The following FHIP2B variants were observed in gnomAD, a reference collection of about 807,000 sequenced individuals.
FHIP2B encodes the protein FHF complex subunit HOOK interacting protein 2B.
FHIP2B carries 72 observed loss-of-function variants against 84.0 expected under a neutral mutation model. That is an observed-to-expected ratio of 0.86 (90% CI 0.71 to 1.04). The LOEUF is 1.04. Ranked by LOEUF, FHIP2B falls within the 50% of genes least tolerant of loss-of-function variation. The probability of loss-of-function intolerance (pLI) is 0.00; values close to 1 mark genes in which losing one functional copy is unlikely to be tolerated. For synonymous variants in FHIP2B, 497 were observed against 418.7 expected (o/e 1.19, Z -2.28); for missense variants, 972 against 968.9 (o/e 1.00, Z -0.04).
chr8:22,092,540 C>T (rs567477786), intron 1 of FHIP2B, among the ~76,000 whole-genome samples: 1 of 148,906 alleles, frequency 6.7e-6, no homozygotes, highest in East Asian at 2.0e-4. Context: ...TGCCACTGCA[C>T]TCTAGCCTCA....
chr8:22,100,712 C>G lies in FHIP2B; in HGVS notation c.1460C>G (p.Pro487Arg). 4 of 1,604,454 alleles carry G rather than the reference C, an allele frequency of 2.5e-6. No homozygotes were observed. Among genetic ancestry groups the G allele is most frequent in the South Asian group, 2.2e-5 (2 of 90,012 alleles). ...CGCCCTTACGTGGCCTGGGGCTCAC[C>G]AGAGCCTGAGAGCTATGAGGACACC... Reference protein sequence around the residue: ...EGRPYVAWGSPEPESYEDTLD... With the variant: ...EGRPYVAWGSREPESYEDTLD... Residue 487 changes from proline (P) to arginine (R), a missense_variant, in exon 11 of 17, where the codon CCA becomes CGA. Pro to Arg is a moderately radical substitution (Grantham distance 103). Coordinates refer to ENST00000289921, the MANE Select transcript of FHIP2B (RefSeq NM_022749.7).
At chr8:22,091,680 G>T (rs1178092540) in intron 1 of FHIP2B, among the ~76,000 whole-genome samples, 1 of 152,186 alleles carries the variant, frequency 6.6e-6, no homozygotes, top group South Asian at 2.1e-4. Context: ...TGGTTAACCT[G>T]CCTCTCCCGT....
At chr8:22,096,788 T>G (rs1825795672) in intron 3 of FHIP2B, 1 of 347,432 alleles carries the variant, frequency 2.9e-6, no homozygotes, top group African/African-American at 2.1e-5. Context: ...CTTAGAACAC[T>G]CCACCATCCC....
At chr8:22,099,208 G>A (rs1381147116) in intron 8 of FHIP2B, 76 bp from the exon 9 acceptor site, 16 of 1,558,322 alleles carry the variant, frequency 1.0e-5, no homozygotes, top group East Asian at 2.4e-5. Flanking sequence ...GGCATCAGGC[G>A]CCGCGCAAGA....
At chr8:22,097,989 C>A (rs1825874240) in intron 5 of FHIP2B, 79 bp from the exon 6 acceptor site, 2 of 1,526,974 alleles carry the variant, frequency 1.3e-6, no homozygotes, top group South Asian at 1.3e-5. Context: ...GCCCTGCTGG[C>A]AGCCCACCCT....
At chr8:22,099,171 C>T in intron 8 of FHIP2B, 113 bp from the exon 9 acceptor site, 1 of 1,514,362 alleles carries the variant, frequency 6.6e-7, no homozygotes, top group Non-Finnish European at 9.0e-7. Flanking sequence ...TAAGCGGGGC[C>T]CCAGGCGGGC....
intron 3 of FHIP2B, chr8:22,097,134 C>T (rs1825814310): frequency 3.4e-6 from 1 of 291,074 alleles, no homozygotes; most frequent in Non-Finnish European, 6.6e-6. Flanking sequence ...TCATGGAGCA[C>T]AGTGATGCAG....
rs1826302309 is a variant in FHIP2B, at chr8:22,104,791, C to G, written c.*1860C>G. 1.3e-5 allele frequency: 2 copies of G among 149,466 alleles called. No individual in the cohort carries two copies. The highest frequency in any genetic ancestry group is 1.3e-4 in the Admixed American group (2 of 14,932). The allele number at this position is 149,466 out of a possible 1,614,324, so 9.3% of individuals were successfully genotyped here. A position where few individuals can be genotyped will look rare whatever the true frequency, so the allele number is the denominator to read the frequency against. Reference sequence around the variant, plus strand: ...TCAAGGCTGCAGTGAGCCGATTGCACCACTGCACTCCAGCCTGGGCAATAG... The same window carrying G: ...TCAAGGCTGCAGTGAGCCGATTGCAGCACTGCACTCCAGCCTGGGCAATAG... On this transcript the variant is annotated 3_prime_UTR_variant, in exon 17 of 17. Transcript: ENST00000289921.
chr8:22,096,422 G>C lies in FHIP2B; in HGVS notation c.210G>C (p.Gln70His), dbSNP rs1322292058. ...TCCTGGTGTATGAAGAGCAGCAGCAGGCGGCCGCGGGTGAGGCAGGGCCCT... is the reference window on the plus strand; with the variant it reads ...TCCTGGTGTATGAAGAGCAGCAGCACGCGGCCGCGGGTGAGGCAGGGCCCT... ...LDILVYEEQQQAAAGEAGPCL... is the reference protein window; with the variant it reads ...LDILVYEEQQHAAAGEAGPCL... Residue 70 changes from glutamine (Q) to histidine (H), a missense_variant, in exon 3 of 17, where the codon CAG (glutamine) becomes CAC (histidine). Transcript: ENST00000289921. The C allele has an allele frequency of 6.4e-7, 1 of 1,555,900 alleles. No individual in the cohort carries two copies. Among genetic ancestry groups the C allele is most frequent in the East Asian group, 2.4e-5 (1 of 41,314 alleles).
chr8:22,093,838 C>G (rs1451999781), intron 1 of FHIP2B, among the ~76,000 whole-genome samples: 1 of 151,444 alleles, frequency 6.6e-6, no homozygotes, highest in African/African-American at 2.4e-5. Flanking sequence ...GCACCCCAGC[C>G]TCCCAAGTAG....
In FHIP2B at chr8:22,101,921, G is replaced by A. The variant is rs1007233301; in HGVS notation, c.1851+70G>A. On this transcript the variant is annotated intron_variant, in intron 14 of 16. Coordinates refer to ENST00000289921, the MANE Select transcript of FHIP2B (RefSeq NM_022749.7). Reference sequence around the variant, plus strand: ...TGGGGTCCTTCAAGAGCAGAGGTTGGCCACAGGGTTGCCTCTGCTTCGGTT... The same window carrying A: ...TGGGGTCCTTCAAGAGCAGAGGTTGACCACAGGGTTGCCTCTGCTTCGGTT... 35 of 1,567,962 alleles carry A rather than the reference G, an allele frequency of 2.2e-5. No individual in the cohort carries two copies. In the African/African-American group the frequency reaches 4.1e-4, roughly 18 times the overall value.
At chr8:22,092,450 C>A (rs1459796966) in intron 1 of FHIP2B, among the ~76,000 whole-genome samples, 2 of 152,130 alleles carry the variant, frequency 1.3e-5, no homozygotes, top group Non-Finnish European at 2.9e-5. Context: ...CGTGGTGGCA[C>A]ATGTCTGTAA....
rs1413964017 is a variant in FHIP2B, at chr8:22,099,533, C to T, written c.1152-171C>T. On this transcript the variant is annotated intron_variant, in intron 9 of 16. Transcript: ENST00000289921. The stretch of plus-strand genomic sequence containing the variant: ...ATGATGTGCACGTGGCTCTGAGCTA[C>T]GTGGGCTAAACGAAGGCCTCCTACC... Among the ~76,000 whole-genome samples the T allele has an allele frequency of 5.3e-5, 8 of 152,210 alleles. 1 individual carries two copies. Among genetic ancestry groups the T allele is most frequent in the East Asian group, 1.9e-4 (1 of 5,194 alleles).
At position 22,100,974 on chromosome 8, in the gene FHIP2B, T is replaced by C. The variant is rs772932703; in HGVS notation, c.1616+2T>C. On this transcript the variant is annotated splice_donor_variant, in intron 12 of 16. Transcript: ENST00000289921. LOFTEE classifies it high-confidence loss of function. ...AGCAGTGACCGAGATCGTCAACAGG[T>C]GGGGAGCAAGTTAGGCAGTCTGAAC... The C allele has an allele frequency of 1.9e-6, 3 of 1,613,492 alleles. No homozygotes were observed. The African/African-American group carries it at 4.0e-5, about 22-fold the overall frequency.
chr8:22,095,407 A>G (rs2131696560), intron 2 of FHIP2B: 1 of 152,352 alleles, frequency 6.6e-6, no homozygotes, highest in South Asian at 2.1e-4. Context: ...TGCCAGTAGC[A>G]CACCCCACCC....
At position 22,089,206 on chromosome 8, in the gene FHIP2B, G is replaced by T. The variant is rs1825323455; in HGVS notation, c.-48G>T. 1 of 1,052,492 alleles carries T rather than the reference G, an allele frequency of 9.5e-7. No homozygotes were observed. The highest frequency in any genetic ancestry group is 1.1e-6 in the Non-Finnish European group (1 of 873,226). 65.2% of individuals were successfully genotyped at this position (1,052,492 alleles called of 1,614,324 possible). ...CACGGGGCTGCCTCCTCCGCCTAGA[G>T]CGCTGCCGCCGCCGCTTTCGCCCGG... On this transcript the variant is annotated 5_prime_UTR_variant, in exon 1 of 17. Coordinates refer to ENST00000289921, the MANE Select transcript of FHIP2B (RefSeq NM_022749.7).
chr8:22,092,565 CTTTT>C (rs11393768), intron 1 of FHIP2B, among the ~76,000 whole-genome samples: 1 of 124,026 alleles, frequency 8.1e-6, no homozygotes, highest in African/African-American at 3.1e-5. Flanking sequence ...CGGTGAGACT[CTTTT>C]TTTTTTTTTT....
chr8:22,098,570 G>A lies in FHIP2B; in HGVS notation c.916G>A (p.Val306Ile). 6.2e-7 allele frequency: 1 copy of A among 1,608,596 alleles called. No homozygotes were observed. The change falls in exon 7 of 17, where the codon GTC becomes ATC. Residue 306 changes from valine (V) to isoleucine (I), a missense_variant. Transcript: ENST00000289921. ...TTGCCAGTTGTACCGGTCCATGCCT[G>A]TCTTCCTGGACCCCGCAGACATTGC... Reference protein sequence around the residue: ...HLCQLYRSMPVFLDPADIATL... With the variant: ...HLCQLYRSMPIFLDPADIATL...
In FHIP2B at chr8:22,104,426, G is replaced by A. The variant is rs1219866899; in HGVS notation, c.*1495G>A. The A allele has an allele frequency of 6.6e-6, 1 of 152,426 alleles. No individual in the cohort carries two copies. Among genetic ancestry groups the A allele is most frequent in the Non-Finnish European group, 1.5e-5 (1 of 68,062 alleles). The allele number at this position is 152,426 out of a possible 1,614,324, so 9.4% of individuals were successfully genotyped here. ...CCAAGTTTCCCCACCTTCTGCCCAGGACTCCACTGCTAATTCGGGCCCATC... is the reference window on the plus strand; with the variant it reads ...CCAAGTTTCCCCACCTTCTGCCCAGAACTCCACTGCTAATTCGGGCCCATC... On this transcript the variant is annotated 3_prime_UTR_variant, in exon 17 of 17. Transcript: ENST00000289921.
Sources: gnomAD v4.1 joint callset for allele counts (sites outside exome capture counted in the v4.1 genomes callset) on GRCh38, gnomAD v4.1.1 for gene constraint, MANE v1.5 for transcripts, NCBI Gene and HGNC (gene_info 2026-07-23, HGNC 2026-07-21) for gene names.